CARMIL1: variants seen among roughly 807,000 people sequenced by gnomAD.
CARMIL1 encodes F-actin-uncapping protein LRRC16A.
A neutral mutation model predicts 177.1 loss-of-function variants in CARMIL1; 90 were observed. The ratio of observed to expected loss-of-function variants is 0.51; its 90% CI spans 0.43 to 0.61. The LOEUF is 0.61. CARMIL1 is among the 20% of genes least tolerant of loss of function. The pLI is 0.00. For synonymous variants in CARMIL1, 577 were observed against 606.2 expected, an observed-to-expected ratio of 0.95 and a Z score of 0.71; for missense variants, 1,380 against 1,667.0, an observed-to-expected ratio of 0.83 and a Z score of 3.00.
chr6:25,332,771 A>ACG (rs1554165963), intron 2 of CARMIL1, among the ~76,000 whole-genome samples: 1 of 87,132 alleles, frequency 1.1e-5, no homozygotes, highest in African/African-American at 4.2e-5. Flanking sequence ...ACACACACAC[A>ACG]CGCGCACACA....
intron 33 of CARMIL1, among the ~76,000 whole-genome samples, chr6:25,603,537 A>G (rs972488014): frequency 1.3e-5 from 2 of 152,160 alleles, no homozygotes; most frequent in African/African-American, 4.8e-5. Flanking sequence ...TGCATTTCAA[A>G]TAATACTTCC....
At chr6:25,332,787 A>ACACACACACACACACACACG (rs1554165998) in intron 2 of CARMIL1, among the ~76,000 whole-genome samples, 1 of 146,692 alleles carries the variant, frequency 6.8e-6, no homozygotes, top group African/African-American at 2.5e-5. Context: ...ACACACACAC[A>ACACACACACACACACACACG]CACACTTCTT....
chr6:25,317,401 A>C (rs1784358439), intron 2 of CARMIL1, among the ~76,000 whole-genome samples: 2 of 152,020 alleles, frequency 1.3e-5, no homozygotes, highest in Non-Finnish European at 2.9e-5. Context: ...CAAAGTCTCA[A>C]AGTGTTGGGA....
intron 8 of CARMIL1, chr6:25,452,401 G>C (rs975402957): frequency 3.4e-6 from 2 of 594,976 alleles, no homozygotes; most frequent in East Asian, 5.6e-5. Flanking sequence ...AAAATTGCAC[G>C]TGGAATAAGA....
chr6:25,369,966 A>G (rs1377729965), intron 2 of CARMIL1: 1 of 152,198 alleles, frequency 6.6e-6, no homozygotes, highest in Non-Finnish European at 1.5e-5. Context: ...TCCTTTTCCT[A>G]ATGACGGTGC....
chr6:25,602,386 G>A (rs1329946410), intron 33 of CARMIL1, among the ~76,000 whole-genome samples: 1 of 152,162 alleles, frequency 6.6e-6, no homozygotes, highest in East Asian at 1.9e-4. Flanking sequence ...CAATGAATGT[G>A]CGGTTTTGAT....
At chr6:25,309,967 A>C (rs1444529587) in intron 2 of CARMIL1, among the ~76,000 whole-genome samples, 6 of 151,078 alleles carry the variant, frequency 4.0e-5, no homozygotes, top group African/African-American at 1.5e-4. Context: ...GTGGGGCTTC[A>C]CCTCCTTGGC....
At chr6:25,498,830 G>A (rs904496624) in intron 16 of CARMIL1, among the ~76,000 whole-genome samples, 2 of 152,272 alleles carry the variant, frequency 1.3e-5, no homozygotes, top group African/African-American at 4.8e-5. Context: ...TGAAAGAAAG[G>A]GGGCATAGTA....
chr6:25,570,324 A>T (rs900889548), intron 29 of CARMIL1, among the ~76,000 whole-genome samples: 2 of 152,208 alleles, frequency 1.3e-5, no homozygotes, highest in African/African-American at 4.8e-5. Flanking sequence ...TTGTAGTAAT[A>T]AACATCATGC....
chr6:25,532,941 A>G (rs1235787813), intron 24 of CARMIL1, among the ~76,000 whole-genome samples: 7 of 152,192 alleles, frequency 4.6e-5, no homozygotes, highest in Admixed American at 4.6e-4. Flanking sequence ...TTATTACAAT[A>G]AAACTGTAGT....
At chr6:25,287,595 T>C (rs1781616177) in intron 2 of CARMIL1, 1 of 152,532 alleles carries the variant, frequency 6.6e-6, no homozygotes, top group African/African-American at 2.4e-5. Context: ...TGCTGAGTAC[T>C]TAATTACGCA....
intron 16 of CARMIL1, among the ~76,000 whole-genome samples, chr6:25,496,450 G>A (rs1803718823): frequency 7.6e-6 from 1 of 132,066 alleles, no homozygotes. Context: ...TGCCAGCCTG[G>A]CAACAGAGTG....
At chr6:25,284,697 A>C in intron 1 of CARMIL1, 115 bp from the exon 2 acceptor site, 3 of 622,932 alleles carry the variant, frequency 4.8e-6, no homozygotes, top group East Asian at 3.0e-5. Context: ...TGACAGAGTA[A>C]GACTCTGTCT....
At chr6:25,320,248 G>T (rs1403002927) in intron 2 of CARMIL1, among the ~76,000 whole-genome samples, 1 of 152,134 alleles carries the variant, frequency 6.6e-6, no homozygotes, top group East Asian at 1.9e-4. Flanking sequence ...TTTCTAGTGG[G>T]GTTAGAGAAA....
At chr6:25,470,019 T>C (rs4712942) in intron 9 of CARMIL1, among the ~76,000 whole-genome samples, 23,460 of 152,258 alleles carry the variant, frequency 0.15, 2,202 homozygotes, top group South Asian at 0.25. Flanking sequence ...AATTTTGTTA[T>C]AAGTTACTCA....
intron 2 of CARMIL1, among the ~76,000 whole-genome samples, chr6:25,355,929 G>A (rs1386577358): frequency 6.6e-6 from 1 of 152,066 alleles, no homozygotes; most frequent in Non-Finnish European, 1.5e-5. Flanking sequence ...GGTGAGCCAT[G>A]TCTTTACACA....
At chr6:25,596,931 T>C (rs1237828773) in intron 32 of CARMIL1, among the ~76,000 whole-genome samples, 1 of 152,020 alleles carries the variant, frequency 6.6e-6, no homozygotes, top group Non-Finnish European at 1.5e-5. Flanking sequence ...CTTTATTTAA[T>C]TTTATCATAA....
intron 29 of CARMIL1, among the ~76,000 whole-genome samples, chr6:25,567,384 C>T (rs2092162): frequency 6.6e-6 from 1 of 152,192 alleles, no homozygotes; most frequent in African/African-American, 2.4e-5. Flanking sequence ...CATACCTCCT[C>T]CAATTATGGG....
intron 13 of CARMIL1, 88 bp downstream of exon 13, chr6:25,488,673 T>C (rs1582123979): frequency 1.7e-5 from 17 of 1,030,038 alleles, no homozygotes; most frequent in African/African-American, 3.1e-5. Context: ...TAGTGCATTT[T>C]CCTGCCTCTC....
Sources: gnomAD v4.1 joint callset for allele counts (sites outside exome capture counted in the v4.1 genomes callset) on GRCh38, gnomAD v4.1.1 for gene constraint, MANE v1.5 for transcripts, NCBI Gene and HGNC (gene_info 2026-07-23, HGNC 2026-07-21) for gene names.